TRAK1: variants seen among roughly 807,000 people sequenced by gnomAD.
The protein encoded by TRAK1 is trafficking kinesin protein 1, also known as trafficking kinesin-binding protein 1.
In TRAK1, 33 loss-of-function variants were observed where a neutral mutation model predicts 92.1. The observed-to-expected ratio is 0.36, with a 90% confidence interval of 0.27 to 0.48. TRAK1 has a LOEUF of 0.48. Ranked by LOEUF, TRAK1 falls within the 20% of genes least tolerant of loss-of-function variation. The pLI is 0.99. For missense variants in TRAK1, 1,123 were observed against 1,257.9 expected (o/e 0.89, Z 1.62); for synonymous variants, 521 against 517.3 (o/e 1.01, Z -0.10).
intron 1 of TRAK1, among the ~76,000 whole-genome samples, chr3:42,078,034 C>T (rs1293119294): frequency 6.6e-6 from 1 of 152,218 alleles, no homozygotes; most frequent in Non-Finnish European, 1.5e-5. Context: ...AAAGAAATTT[C>T]AGAACTTGGC....
intron 1 of TRAK1, among the ~76,000 whole-genome samples, chr3:42,117,710 T>G (rs1709339874): frequency 6.6e-6 from 1 of 152,092 alleles, no homozygotes; most frequent in Non-Finnish European, 1.5e-5. Flanking sequence ...TCGCACTCCC[T>G]CTCTGGAGGT....
intron 2 of TRAK1, among the ~76,000 whole-genome samples, chr3:42,125,997 C>T (rs767655072): frequency 6.6e-5 from 10 of 151,972 alleles, no homozygotes; most frequent in Non-Finnish European, 1.3e-4. Context: ...GCTACAGGCG[C>T]GCACCACCAT....
chr3:42,143,755 C>T (rs767223595), intron 2 of TRAK1, among the ~76,000 whole-genome samples: 7 of 152,044 alleles, frequency 4.6e-5, no homozygotes, highest in African/African-American at 1.4e-4. Context: ...AAACCTGGGC[C>T]GAGGGAGGGC....
chr3:42,183,953 TAATTG>T (rs1704415125), intron 3 of TRAK1, among the ~76,000 whole-genome samples: 2 of 152,332 alleles, frequency 1.3e-5, no homozygotes, highest in South Asian at 4.1e-4. Context: ...TGGCTCTGCC[TAATTG>T]ATGCCATCAG....
intron 13 of TRAK1, among the ~76,000 whole-genome samples, chr3:42,204,782 A>C (rs985530131): frequency 6.6e-6 from 1 of 151,996 alleles, no homozygotes; most frequent in South Asian, 2.1e-4. Flanking sequence ...GGGTCTTACT[A>C]TGTTGCCTAG....
intron 2 of TRAK1, among the ~76,000 whole-genome samples, chr3:42,145,292 C>T (rs1038599049): frequency 6.6e-6 from 1 of 152,174 alleles, no homozygotes; most frequent in Non-Finnish European, 1.5e-5. Context: ...TGAGACCAGC[C>T]TGGCCAACAT....
At chr3:42,108,111 C>T (rs1707842490) in intron 1 of TRAK1, among the ~76,000 whole-genome samples, 1 of 151,998 alleles carries the variant, frequency 6.6e-6, no homozygotes, top group Non-Finnish European at 1.5e-5. Flanking sequence ...GTAGTTTTTC[C>T]ATGGGGCTCA....
At chr3:42,045,361 C>T (rs1164102090) in intron 1 of TRAK1, among the ~76,000 whole-genome samples, 1 of 152,092 alleles carries the variant, frequency 6.6e-6, no homozygotes, top group East Asian at 1.9e-4. Context: ...ATGACGAAAC[C>T]CCATCTCTAC....
At chr3:42,209,099 T>C (rs901572483) in intron 13 of TRAK1, among the ~76,000 whole-genome samples, 7 of 152,236 alleles carry the variant, frequency 4.6e-5, no homozygotes, top group Non-Finnish European at 1.0e-4. Context: ...TTTAGACCTC[T>C]GTGTGGACTT....
In TRAK1 at chr3:42,194,860, G is replaced by A. The variant is rs755001607; in HGVS notation, c.1032G>A (p.Gln344=). The stretch of plus-strand genomic sequence containing the variant: ...GCATGGAGATGCTGCATGAGGCGCA[G>A]GAGGAGCTGAAGAACCTCCGGAACA... ...AECMEMLHEA[Q]EELKNLRNKT... is the part of the protein sequence containing the mutation. Residue 344 remains glutamine, a synonymous_variant, in exon 10 of 16, where the codon CAG becomes CAA. Transcript: ENST00000327628. 6.2e-7 allele frequency: 1 copy of A among 1,614,002 alleles called. No homozygotes were observed. Among genetic ancestry groups the A allele is most frequent in the Non-Finnish European group, 8.5e-7 (1 of 1,179,968 alleles).
At chr3:42,165,745 C>T (rs911054800) in intron 2 of TRAK1, among the ~76,000 whole-genome samples, 6 of 152,098 alleles carry the variant, frequency 3.9e-5, no homozygotes, top group Non-Finnish European at 7.4e-5. Context: ...CAGTACCTAC[C>T]GCAGCACTGT....
intron 12 of TRAK1, among the ~76,000 whole-genome samples, chr3:42,201,939 T>C (rs73831716): frequency 0.055 from 8,216 of 148,692 alleles, 228 homozygotes; most frequent in Middle Eastern, 0.076. Flanking sequence ...CACCATTGTC[T>C]ACTTTGTGCA....
intron 3 of TRAK1, among the ~76,000 whole-genome samples, chr3:42,181,879 T>C (rs993318212): frequency 3.3e-5 from 5 of 152,158 alleles, no homozygotes; most frequent in African/African-American, 1.2e-4. Flanking sequence ...CACAGTTCTT[T>C]GAATCCTTTC....
chr3:42,204,021 G>A (rs1708033013), intron 13 of TRAK1: 1 of 985,276 alleles, frequency 1.0e-6, no homozygotes. Context: ...GGGTGGGCTA[G>A]TTTGTTTTTA....
intron 2 of TRAK1, chr3:42,145,976 A>C: frequency 3.3e-6 from 1 of 306,718 alleles, no homozygotes; most frequent in Non-Finnish European, 6.3e-6. Flanking sequence ...GGGGAAGATA[A>C]TAAATGCTGC....
At chr3:42,180,178 A>C (rs1703804541) in intron 3 of TRAK1, among the ~76,000 whole-genome samples, 1 of 152,194 alleles carries the variant, frequency 6.6e-6, no homozygotes, top group Non-Finnish European at 1.5e-5. Flanking sequence ...AACTAGAGAC[A>C]CTACAATAAC....
intron 1 of TRAK1, among the ~76,000 whole-genome samples, chr3:42,066,877 G>A (rs1162333332): frequency 1.3e-5 from 2 of 152,150 alleles, no homozygotes; most frequent in South Asian, 2.1e-4. Flanking sequence ...GGGGCTGGGG[G>A]GAGGGATGAT....
At chr3:42,108,580 T>C (rs145155323) in intron 1 of TRAK1, among the ~76,000 whole-genome samples, 65 of 149,696 alleles carry the variant, frequency 4.3e-4, no homozygotes, top group African/African-American at 1.5e-3. Context: ...AAGAAAACAA[T>C]GGTATTTGCA....
intron 2 of TRAK1, among the ~76,000 whole-genome samples, chr3:42,132,162 G>A (rs1282254647): frequency 2.0e-5 from 3 of 151,826 alleles, no homozygotes. Context: ...AAATGGCATA[G>A]TATTTGCATT....
Sources: allele counts gnomAD v4.1 joint callset (sites outside exome capture counted in the v4.1 genomes callset), GRCh38; gene constraint gnomAD v4.1.1; transcripts MANE v1.5; gene names NCBI Gene and HGNC (gene_info 2026-07-23, HGNC 2026-07-21).